The following PRAP1 variants were observed in gnomAD, a reference collection of about 807,000 sequenced individuals.
PRAP1 encodes proline rich acidic protein 1.
In PRAP1, 12 loss-of-function variants were observed where a neutral mutation model predicts 14.6. The observed-to-expected ratio is 0.82, with a 90% CI of 0.53 to 1.33. The LOEUF is 1.33. Ranked by LOEUF, PRAP1 falls within the 40% of genes most tolerant of loss-of-function variation. The pLI is 0.00. For synonymous variants in PRAP1, 81 were observed against 80.3 expected, an observed-to-expected ratio of 1.01 and a Z score of -0.04; for missense variants, 160 against 193.7, an observed-to-expected ratio of 0.83 and a Z score of 1.03.
At chr10:133,350,978 C>G (rs185598316) in intron 2 of PRAP1, among the ~76,000 whole-genome samples, 6 of 150,854 alleles carry the variant, frequency 4.0e-5, no homozygotes, top group African/African-American at 1.5e-4. Flanking sequence ...AGCGGCTGAC[C>G]GCGTTCTCTC....
rs1172936002 is a variant in PRAP1, at chr10:133,351,801, C to A, written c.129-206C>A. Among the ~76,000 whole-genome samples the A allele has an allele frequency of 1.3e-5, 2 of 152,200 alleles. No individual in the cohort carries two copies. The highest frequency in any genetic ancestry group is 4.8e-5 in the African/African-American group (2 of 41,446). The stretch of plus-strand genomic sequence containing the variant: ...TCAACCAAGGCTCTGACCACTGCTC[C>A]CCACGCAGCCACCCAGGGACGTGGT... On this transcript the variant is annotated intron_variant, in intron 3 of 4. Transcript: ENST00000433452. The surrounding 1 kb of genome is among the most constrained non-coding windows in gnomAD (Gnocchi z 4.3).
Position 133,352,078 on chromosome 10 carries a change from A to G in PRAP1, c.200A>G (p.Lys67Arg). Residue 67 changes from lysine to arginine, a missense_variant, in exon 4 of 5, where the codon AAG (lysine) becomes AGG (arginine). Transcript: ENST00000433452. ...DQLVVLFPVQ[K>R]PKLLTTEEKP... ...CTGGTGGTGCTGTTCCCTGTCCAGA[A>G]GCCGAAACTCTTGACCACCGAGGAG... 6.2e-7 allele frequency: 1 copy of G among 1,612,738 alleles called. No individual in the cohort carries two copies. Among genetic ancestry groups the G allele is most frequent in the Non-Finnish European group, 8.5e-7 (1 of 1,179,846 alleles).
rs1207577625 is a variant in PRAP1, at chr10:133,351,724, G to A, written c.129-283G>A. Among the ~76,000 whole-genome samples the A allele has an allele frequency of 2.0e-5, 3 of 152,204 alleles. No homozygotes were observed. The highest frequency in any genetic ancestry group is 6.5e-5 in the Admixed American group (1 of 15,280). ...CACGGCTGGTGGCTGTAGCTGGGGC[G>A]GCTCAGTCTTGGATCCTGAGGTTCC... On this transcript the variant is annotated intron_variant, in intron 3 of 4. Transcript: ENST00000433452. This position sits in a 1 kb window ranked among gnomAD's most constrained non-coding sequence, Gnocchi z 4.3.
intron 1 of PRAP1, 102 bp from the exon 2 acceptor site, chr10:133,349,993 A>C (rs1848652043): frequency 1.0e-6 from 1 of 997,080 alleles, no homozygotes; most frequent in Non-Finnish European, 1.5e-6. Flanking sequence ...GCTCCCAAGG[A>C]GGAACCCAGC....
At position 133,352,061 on chromosome 10, in the gene PRAP1, G is replaced by A; in HGVS notation, c.183G>A (p.Val61=). The change falls in exon 4 of 5, where the codon GTG becomes GTA. Residue 61 remains valine, a synonymous_variant. Coordinates refer to ENST00000433452, the MANE Select transcript of PRAP1 (RefSeq NM_145202.5). The part of the protein sequence containing the change: ...EPPEKDDQLV[V]LFPVQKPKLL... ...CGGAGAAGGACGACCAGCTGGTGGT[G>A]CTGTTCCCTGTCCAGAAGCCGAAAC... The A allele has an allele frequency of 6.2e-7, 1 of 1,613,024 alleles. No individual in the cohort carries two copies. The highest frequency in any genetic ancestry group is 8.5e-7 in the Non-Finnish European group (1 of 1,179,972).
chr10:133,352,004 C>T lies in PRAP1; in HGVS notation c.129-3C>T, dbSNP rs201795585. The T allele has an allele frequency of 6.2e-7, 1 of 1,612,104 alleles. No homozygotes were observed. The highest frequency in any genetic ancestry group is 8.5e-7 in the Non-Finnish European group (1 of 1,179,770). On this transcript the variant is annotated splice_polypyrimidine_tract_variant and splice_region_variant and intron_variant, in intron 3 of 4. Transcript: ENST00000433452. ...TGTGGACCTGACCAAACTGTGCCAG[C>T]AGGGCCTGGGGCGCCCGTGTGGTGG...
chr10:133,352,005 A>C lies in PRAP1; in HGVS notation c.129-2A>C. ...GTGGACCTGACCAAACTGTGCCAGC[A>C]GGGCCTGGGGCGCCCGTGTGGTGGA... On this transcript the variant is annotated splice_acceptor_variant, in intron 3 of 4. Coordinates refer to ENST00000433452, the MANE Select transcript of PRAP1 (RefSeq NM_145202.5). LOFTEE classifies it high-confidence loss of function. 6.2e-7 allele frequency: 1 copy of C among 1,612,236 alleles called. No individual in the cohort carries two copies. The highest frequency in any genetic ancestry group is 8.5e-7 in the Non-Finnish European group (1 of 1,179,812).
chr10:133,351,972 AC>A lies in PRAP1; in HGVS notation c.129-33del, dbSNP rs1295187249. 2 of 1,606,342 alleles carry A rather than the reference AC, an allele frequency of 1.2e-6. No homozygotes were observed. Among genetic ancestry groups the A allele is most frequent in the African/African-American group, 2.7e-5 (2 of 74,860 alleles). On this transcript the variant is annotated intron_variant, in intron 3 of 4. Coordinates refer to ENST00000433452, the MANE Select transcript of PRAP1 (RefSeq NM_145202.5). The surrounding 1 kb of genome is among the most constrained non-coding windows in gnomAD (Gnocchi z 4.3). ...GCGGGGGGTTCTGTCCACCTCCCCC[AC>A]CTGCATGTGGACCTGACCAAACTGT...
In PRAP1 at chr10:133,351,601, C is replaced by T. The variant is rs1049207983; in HGVS notation, c.128+168C>T. On this transcript the variant is annotated intron_variant, in intron 3 of 4. Coordinates refer to ENST00000433452, the MANE Select transcript of PRAP1 (RefSeq NM_145202.5). The surrounding 1 kb of genome is among the most constrained non-coding windows in gnomAD (Gnocchi z 4.3). ...CAGCCTCATGGGCATCTGTCAACAG[C>T]GCCCCATGCAGGGAGAAGAGAGCAC... 9.2e-5 allele frequency among the ~76,000 whole-genome samples: 14 copies of T among 152,244 alleles called. No homozygotes were observed. The highest frequency in any genetic ancestry group is 1.9e-4 in the East Asian group (1 of 5,200).
intron 1 of PRAP1, among the ~76,000 whole-genome samples, chr10:133,348,968 C>T (rs1003644616): frequency 1.3e-5 from 2 of 151,926 alleles, no homozygotes; most frequent in Non-Finnish European, 2.9e-5. Flanking sequence ...CCCCAGACAC[C>T]CTTGACTGCA....
rs779284837 is a variant in PRAP1 at position 133,352,113 on chromosome 10, G to A, written c.235G>A (p.Gly79Ser). 6.2e-7 allele frequency: 1 copy of A among 1,613,042 alleles called. No individual in the cohort carries two copies. The highest frequency in any genetic ancestry group is 1.3e-5 in the African/African-American group (1 of 74,918). Residue 79 changes from glycine to serine, a missense_variant, in exon 4 of 5, where the codon GGT (glycine) becomes AGT (serine). Transcript: ENST00000433452. ...CTTGACCACCGAGGAGAAGCCACGAGGTCAGGGCAGGGGCCCCATCCTTCC... is the reference window on the plus strand; with the variant it reads ...CTTGACCACCGAGGAGAAGCCACGAAGTCAGGGCAGGGGCCCCATCCTTCC... ...KLLTTEEKPR[G>S]QGRGPILPGT...
At position 133,351,923 on chromosome 10, in the gene PRAP1, C is replaced by T; in HGVS notation, c.129-84C>T. On this transcript the variant is annotated intron_variant, in intron 3 of 4. Coordinates refer to ENST00000433452, the MANE Select transcript of PRAP1 (RefSeq NM_145202.5). The surrounding 1 kb of genome is among the most constrained non-coding windows in gnomAD (Gnocchi z 4.3). ...GCTGGTGGTGGGGCTGGAGTGGCTGCCCTGGGATGGTGGGCACCCTCCTGC... is the reference window on the plus strand; with the variant it reads ...GCTGGTGGTGGGGCTGGAGTGGCTGTCCTGGGATGGTGGGCACCCTCCTGC... 2 of 1,538,472 alleles carry T rather than the reference C, an allele frequency of 1.3e-6. No homozygotes were observed. Among genetic ancestry groups the T allele is most frequent in the South Asian group, 2.5e-5 (2 of 81,108 alleles).
intron 1 of PRAP1, among the ~76,000 whole-genome samples, chr10:133,348,160 C>A (rs1369799621): frequency 2.0e-5 from 3 of 152,228 alleles, no homozygotes; most frequent in Non-Finnish European, 4.4e-5. Flanking sequence ...GAATCCCAGG[C>A]CCCCAGGCTG....
chr10:133,347,640 C>G lies in PRAP1; in HGVS notation c.8+215C>G, dbSNP rs964173548. Reference sequence around the variant, plus strand: ...CCGAGTGCACTTGCCTCTTGGTTCCCCTGGCCTGGTGGAGAATCACCCAGG... The same window carrying G: ...CCGAGTGCACTTGCCTCTTGGTTCCGCTGGCCTGGTGGAGAATCACCCAGG... On this transcript the variant is annotated intron_variant, in intron 1 of 4. Transcript: ENST00000433452. This position sits in a 1 kb window ranked among gnomAD's most constrained non-coding sequence, Gnocchi z 5.0. Among the ~76,000 whole-genome samples the G allele has an allele frequency of 1.3e-5, 2 of 152,182 alleles. No homozygotes were observed. The highest frequency in any genetic ancestry group is 2.9e-5 in the Non-Finnish European group (2 of 68,016).
intron 1 of PRAP1, among the ~76,000 whole-genome samples, chr10:133,348,792 G>T (rs534734788): frequency 6.6e-6 from 1 of 151,620 alleles, no homozygotes; most frequent in Non-Finnish European, 1.5e-5. Flanking sequence ...CTCCCAAAGT[G>T]CTGGGATTAC....
chr10:133,350,191 C>T (rs1848655887), intron 2 of PRAP1, 30 bp downstream of exon 2: 1 of 1,596,892 alleles, frequency 6.3e-7, no homozygotes, highest in African/African-American at 1.3e-5. Context: ...ATCTGGGCAG[C>T]AACTCCAGTT....
chr10:133,351,272 A>T lies in PRAP1; in HGVS notation c.76-109A>T. ...AGCTGGCCCTGCCCCCACCCCCTGC[A>T]GCCACCTCCACCCCATGCAGCCCCA... On this transcript the variant is annotated intron_variant, in intron 2 of 4. Transcript: ENST00000433452. This position sits in a 1 kb window ranked among gnomAD's most constrained non-coding sequence, Gnocchi z 4.3. The T allele has an allele frequency of 1.7e-6, 1 of 581,774 alleles. No individual in the cohort carries two copies. Among genetic ancestry groups the T allele is most frequent in the Non-Finnish European group, 3.0e-6 (1 of 332,140 alleles). 36.0% of individuals were successfully genotyped at this position (581,774 alleles called of 1,614,324 possible).
At chr10:133,350,210 C>T (rs1358581572) in intron 2 of PRAP1, 49 bp downstream of exon 2, 1 of 1,540,710 alleles carries the variant, frequency 6.5e-7, no homozygotes, top group South Asian at 1.1e-5. Context: ...TTGTCACCTT[C>T]TGCCCCTACA....
intron 4 of PRAP1, 47 bp from the exon 5 acceptor site, chr10:133,352,200 G>A (rs1392559994): frequency 4.3e-6 from 7 of 1,611,000 alleles, no homozygotes; most frequent in South Asian, 1.1e-5. Flanking sequence ...CAGACCAAGG[G>A]TCTCGGGAAA....
Sources: gnomAD v4.1 joint callset for allele counts (sites outside exome capture counted in the v4.1 genomes callset) on GRCh38, gnomAD v4.1.1 for gene constraint, Gnocchi (gnomAD v3.1) non-coding constraint, MANE v1.5 for transcripts, NCBI Gene and HGNC (gene_info 2026-07-23, HGNC 2026-07-21) for gene names.